The following NUDT3 variants were observed in gnomAD, a reference collection of about 807,000 sequenced individuals.
The protein encoded by NUDT3 is nudix hydrolase 3.
In NUDT3, 9 loss-of-function variants were observed where a neutral mutation model predicts 23.6. The observed-to-expected ratio is 0.38, with a 90% confidence interval of 0.23 to 0.66. NUDT3 has a LOEUF of 0.66. Among genes scored for constraint, NUDT3 ranks in the 30% least tolerant of loss-of-function variants. The pLI, the probability that NUDT3 is intolerant of heterozygous loss-of-function variation, is 0.52. For missense variants in NUDT3, 172 were observed against 218.5 expected, an observed-to-expected ratio of 0.79 and a Z score of 1.34; for synonymous variants, 86 against 82.6, an observed-to-expected ratio of 1.04 and a Z score of -0.22.
chr6:34,312,263 G>A (rs973954093), intron 2 of NUDT3, among the ~76,000 whole-genome samples: 1 of 151,990 alleles, frequency 6.6e-6, no homozygotes, highest in African/African-American at 2.4e-5. Context: ...TTAGCCGAGT[G>A]TGGTGGTGCG....
At chr6:34,311,044 T>C (rs1235209383) in intron 2 of NUDT3, among the ~76,000 whole-genome samples, 2 of 148,910 alleles carry the variant, frequency 1.3e-5, no homozygotes, top group African/African-American at 4.9e-5. Flanking sequence ...ACTTCCTCAA[T>C]TTGATACAGA....
At chr6:34,348,642 G>A (rs1409282843) in intron 1 of NUDT3, among the ~76,000 whole-genome samples, 2 of 152,084 alleles carry the variant, frequency 1.3e-5, no homozygotes, top group African/African-American at 4.8e-5. Context: ...CGGGCGTGGT[G>A]GCGGGCGCCT....
At position 34,286,115 on chromosome 6, in the gene NUDT3, T is replaced by G. The variant is rs1274468076; in HGVS notation, c.*2638A>C. On this transcript the variant is annotated 3_prime_UTR_variant, in exon 5 of 5. Coordinates refer to ENST00000607016, the MANE Select transcript of NUDT3 (RefSeq NM_006703.4). ...TTTATTTATTAAGACAGAGTCTTAC[T>G]CTGTTGCCCAGGCTGGAGTGCAGTG... 6.6e-6 allele frequency: 1 copy of G among 152,220 alleles called. No homozygotes were observed. Among genetic ancestry groups the G allele is most frequent in the Non-Finnish European group, 1.5e-5 (1 of 68,044 alleles). 9.4% of individuals were successfully genotyped at this position (152,220 alleles called of 1,614,324 possible).
chr6:34,353,342 G>A (rs975370104), intron 1 of NUDT3, among the ~76,000 whole-genome samples: 2 of 151,850 alleles, frequency 1.3e-5, no homozygotes, highest in African/African-American at 4.8e-5. Context: ...TAAAAGCAGA[G>A]AGAAAATATA....
At chr6:34,369,464 G>A (rs927126239) in intron 1 of NUDT3, among the ~76,000 whole-genome samples, 3 of 152,174 alleles carry the variant, frequency 2.0e-5, no homozygotes, top group Non-Finnish European at 2.9e-5. Context: ...TTGTCTAAGC[G>A]ATGGGGCTAC....
At chr6:34,378,409 C>T (rs781252319) in intron 1 of NUDT3, among the ~76,000 whole-genome samples, 2 of 152,188 alleles carry the variant, frequency 1.3e-5, no homozygotes, top group Non-Finnish European at 2.9e-5. Flanking sequence ...TCTTCTGGTG[C>T]ACTGGATTAG....
chr6:34,296,709 T>C (rs1763504635), intron 2 of NUDT3, among the ~76,000 whole-genome samples: 1 of 152,190 alleles, frequency 6.6e-6, no homozygotes, highest in Admixed American at 6.6e-5. Flanking sequence ...TAACAGTGAA[T>C]AGGCTAGAAC....
intron 1 of NUDT3, among the ~76,000 whole-genome samples, chr6:34,356,415 A>G (rs1329261863): frequency 6.6e-6 from 1 of 152,150 alleles, no homozygotes; most frequent in African/African-American, 2.4e-5. Flanking sequence ...TGATTCCATG[A>G]CCAACAGGAA....
chr6:34,386,001 C>CA (rs1765099696), intron 1 of NUDT3, among the ~76,000 whole-genome samples: 1 of 152,138 alleles, frequency 6.6e-6, no homozygotes, highest in South Asian at 2.1e-4. Flanking sequence ...TTTCTGAACT[C>CA]AAAGTTCACT....
At chr6:34,327,071 AT>A (rs1386230104) in intron 2 of NUDT3, among the ~76,000 whole-genome samples, 2 of 151,860 alleles carry the variant, frequency 1.3e-5, no homozygotes, top group East Asian at 1.9e-4. Flanking sequence ...ACTGATATTT[AT>A]TGTATACAAA....
intron 2 of NUDT3, among the ~76,000 whole-genome samples, chr6:34,309,280 G>C (rs1763731876): frequency 6.6e-6 from 1 of 152,036 alleles, no homozygotes; most frequent in African/African-American, 2.4e-5. Context: ...CTAATATTTG[G>C]AGATTAAACA....
chr6:34,370,837 C>T (rs1354390018), intron 1 of NUDT3, among the ~76,000 whole-genome samples: 30 of 152,208 alleles, frequency 2.0e-4, no homozygotes, highest in Admixed American at 2.0e-3. Flanking sequence ...GGCGCCGTGG[C>T]TCACACCTGT....
chr6:34,349,675 A>G (rs1162291376), intron 1 of NUDT3, among the ~76,000 whole-genome samples: 1 of 150,554 alleles, frequency 6.6e-6, no homozygotes, highest in East Asian at 1.9e-4. Flanking sequence ...CTTTCTCCCT[A>G]TCCACCCACT....
Position 34,355,690 on chromosome 6 carries a change from G to T in NUDT3, c.100-13718C>A, listed in dbSNP as rs567400267. ...CACCTGGCCCTACAGCTGTTTTTTT[G>T]GGGGGGTGGGGGGTGGGGGGAGGGT... is the stretch of plus-strand genomic sequence containing the variant. On this transcript the variant is annotated intron_variant, in intron 1 of 4. Coordinates refer to ENST00000607016, the MANE Select transcript of NUDT3 (RefSeq NM_006703.4). 4.2e-3 allele frequency among the ~76,000 whole-genome samples: 449 copies of T among 105,848 alleles called. 2 individuals carry two copies. The highest frequency in any genetic ancestry group is 0.012 in the Middle Eastern group (1 of 82). 69.4% of individuals were successfully genotyped at this position (105,848 alleles called of 152,430 possible). A position where few individuals can be genotyped will look rare whatever the true frequency, so the allele number is the denominator to read the frequency against.
intron 1 of NUDT3, among the ~76,000 whole-genome samples, chr6:34,381,858 A>G (rs2113768095): frequency 6.6e-6 from 1 of 151,966 alleles, no homozygotes; most frequent in African/African-American, 2.4e-5. Context: ...GCAGATCACG[A>G]GGTCAGGAGT....
In NUDT3 at chr6:34,291,767, C is replaced by T. The variant is rs181270087; in HGVS notation, c.340+1684G>A. Among the ~76,000 whole-genome samples, 997 of 152,052 alleles carry T rather than the reference C, an allele frequency of 6.6e-3. 7 individuals carry two copies. Among genetic ancestry groups the T allele is most frequent in the African/African-American group, 0.022 (929 of 41,492 alleles). ...ATTCGCCTGCCTCAGCCTCCCAAAGCGCTGGGATTACAGGCGTGAGCCACT... is the reference window on the plus strand; with the variant it reads ...ATTCGCCTGCCTCAGCCTCCCAAAGTGCTGGGATTACAGGCGTGAGCCACT... On this transcript the variant is annotated intron_variant, in intron 4 of 4. Coordinates refer to ENST00000607016, the MANE Select transcript of NUDT3 (RefSeq NM_006703.4).
chr6:34,357,681 A>G (rs964924951), intron 1 of NUDT3, among the ~76,000 whole-genome samples: 1 of 152,118 alleles, frequency 6.6e-6, no homozygotes, highest in Non-Finnish European at 1.5e-5. Flanking sequence ...ATACTTTCGT[A>G]TATTTTAGAA....
chr6:34,292,479 G>GT (rs1763437869), intron 4 of NUDT3, among the ~76,000 whole-genome samples: 1 of 152,020 alleles, frequency 6.6e-6, no homozygotes, highest in Admixed American at 6.6e-5. Context: ...AGATGTAAAC[G>GT]TAACAGCCAT....
chr6:34,291,790 A>G (rs1029682376), intron 4 of NUDT3, among the ~76,000 whole-genome samples: 1 of 152,190 alleles, frequency 6.6e-6, no homozygotes, highest in Non-Finnish European at 1.5e-5. Context: ...GGCGTGAGCC[A>G]CTGCAACTGC....
Sources: gnomAD v4.1 joint callset for allele counts (sites outside exome capture counted in the v4.1 genomes callset) on GRCh38, gnomAD v4.1.1 for gene constraint, MANE v1.5 for transcripts, NCBI Gene and HGNC (gene_info 2026-07-23, HGNC 2026-07-21) for gene names.